RALGPS1: variants seen among roughly 807,000 people sequenced by gnomAD.
RALGPS1 encodes ras-specific guanine nucleotide-releasing factor RalGPS1.
In RALGPS1, 19 loss-of-function variants were observed where a neutral mutation model predicts 78.8. The ratio of observed to expected loss-of-function variants is 0.24; its 90% CI spans 0.17 to 0.35. RALGPS1 has a LOEUF of 0.35. Ranked by LOEUF, RALGPS1 falls within the 10% of genes least tolerant of loss-of-function variation. The pLI is 1.00. For missense variants in RALGPS1, 454 were observed against 688.3 expected, an observed-to-expected ratio of 0.66 and a Z score of 3.81; for synonymous variants, 228 against 256.3, an observed-to-expected ratio of 0.89 and a Z score of 1.06.
At chr9:127,019,641 T>G (rs1356927734) in intron 4 of RALGPS1, among the ~76,000 whole-genome samples, 3 of 152,154 alleles carry the variant, frequency 2.0e-5, no homozygotes, top group African/African-American at 7.2e-5. Context: ...TTCATTATTT[T>G]TTATTGCTTA....
chr9:127,203,310 A>T (rs1454294901), intron 14 of RALGPS1, among the ~76,000 whole-genome samples: 1 of 152,230 alleles, frequency 6.6e-6, no homozygotes, highest in Non-Finnish European at 1.5e-5. Flanking sequence ...CTACCCAGAA[A>T]AACAATTAAC....
At chr9:126,927,677 T>C (rs2035418464) in intron 1 of RALGPS1, among the ~76,000 whole-genome samples, 1 of 152,128 alleles carries the variant, frequency 6.6e-6, no homozygotes, top group African/African-American at 2.4e-5. Context: ...TCTCAAGCAA[T>C]TCCCTCATGC....
intron 3 of RALGPS1, among the ~76,000 whole-genome samples, chr9:126,977,086 A>T (rs995022019): frequency 6.6e-6 from 1 of 152,208 alleles, no homozygotes; most frequent in African/African-American, 2.4e-5. Context: ...AAAAATTGCT[A>T]TGCAAGTTCC....
intron 18 of RALGPS1, chr9:127,217,149 T>G (rs920459879): frequency 1.7e-5 from 22 of 1,277,046 alleles, no homozygotes; most frequent in Non-Finnish European, 2.1e-5. Flanking sequence ...AGAGCACTAA[T>G]GGGTCAGTTT....
rs5900735 is a variant in RALGPS1, at chr9:126,965,443, A to AT, written c.58-394dup. Among the ~76,000 whole-genome samples the AT allele has an allele frequency of 3.0e-3, 455 of 152,060 alleles. 3 individuals carry two copies. Among genetic ancestry groups the AT allele is most frequent in the African/African-American group, 0.01 (434 of 41,426 alleles). On this transcript the variant is annotated intron_variant, in intron 2 of 18. Transcript: ENST00000259351. ...CTCCCTCAAGGAAGATTGGGCTGTA[A>AT]TTTTTTTACCCCACCACTAAACCAC...
intron 4 of RALGPS1, among the ~76,000 whole-genome samples, chr9:127,017,851 A>G (rs1281165473): frequency 6.6e-6 from 1 of 152,056 alleles, no homozygotes; most frequent in Non-Finnish European, 1.5e-5. Context: ...ACTGTCTTCC[A>G]CCTCCACATC....
At chr9:127,111,339 G>A (rs867286351) in intron 8 of RALGPS1, among the ~76,000 whole-genome samples, 12 of 152,150 alleles carry the variant, frequency 7.9e-5, no homozygotes, top group African/African-American at 2.9e-4. Context: ...TAAGATACAC[G>A]CTGTCTCCTC....
At chr9:127,129,761 C>T (rs2056880680) in intron 8 of RALGPS1, among the ~76,000 whole-genome samples, 1 of 152,232 alleles carries the variant, frequency 6.6e-6, no homozygotes, top group South Asian at 2.1e-4. Context: ...GTGCAGGAGG[C>T]TTGCTTCAGT....
At chr9:127,031,442 G>A (rs2046425147) in intron 4 of RALGPS1, among the ~76,000 whole-genome samples, 1 of 152,210 alleles carries the variant, frequency 6.6e-6, no homozygotes, top group African/African-American at 2.4e-5. Context: ...AATTTGGGAG[G>A]TCTTCACACT....
intron 4 of RALGPS1, among the ~76,000 whole-genome samples, chr9:127,014,606 G>C (rs1266967046): frequency 1.3e-5 from 2 of 152,160 alleles, no homozygotes; most frequent in African/African-American, 2.4e-5. Context: ...TATGAGATTA[G>C]GAATGGAGAC....
At chr9:126,920,641 T>A (rs1035581561) in intron 1 of RALGPS1, among the ~76,000 whole-genome samples, 3 of 152,170 alleles carry the variant, frequency 2.0e-5, no homozygotes, top group African/African-American at 7.2e-5. Context: ...TTTCTGGGCC[T>A]CCTTTCGTGG....
At chr9:127,038,291 A>G (rs1428708082) in intron 5 of RALGPS1, among the ~76,000 whole-genome samples, 1 of 152,214 alleles carries the variant, frequency 6.6e-6, no homozygotes, top group Non-Finnish European at 1.5e-5. Flanking sequence ...TCACGTGCCT[A>G]ATGAGATAGA....
At chr9:126,967,452 A>G (rs1385739375) in intron 3 of RALGPS1, among the ~76,000 whole-genome samples, 1 of 152,186 alleles carries the variant, frequency 6.6e-6, no homozygotes, top group Non-Finnish European at 1.5e-5. Flanking sequence ...CACTGGGCTA[A>G]AGTAGCATCT....
chr9:126,993,932 C>G (rs753993645), intron 4 of RALGPS1, among the ~76,000 whole-genome samples: 1 of 152,174 alleles, frequency 6.6e-6, no homozygotes, highest in Non-Finnish European at 1.5e-5. Flanking sequence ...TGGAGTGGAC[C>G]TCTAGCAAAC....
chr9:127,216,785 G>A, intron 18 of RALGPS1: 2 of 904,644 alleles, frequency 2.2e-6, no homozygotes, highest in South Asian at 4.0e-5. Context: ...TGCATTAAGA[G>A]AGGAAGAGCA....
intron 1 of RALGPS1, among the ~76,000 whole-genome samples, chr9:126,943,834 A>C (rs527807810): frequency 2.0e-5 from 3 of 152,176 alleles, no homozygotes; most frequent in Non-Finnish European, 4.4e-5. Flanking sequence ...CATTATGAAA[A>C]TTAGGTCGTA....
chr9:127,088,882 G>A, intron 8 of RALGPS1: 1 of 1,599,192 alleles, frequency 6.3e-7, no homozygotes, highest in Non-Finnish European at 8.6e-7. Flanking sequence ...GCTGTGGCCA[G>A]CGTGACCAGG....
At chr9:127,136,683 A>G (rs182258510) in intron 8 of RALGPS1, among the ~76,000 whole-genome samples, 61 of 152,146 alleles carry the variant, frequency 4.0e-4, no homozygotes, top group Admixed American at 2.2e-3. Flanking sequence ...CACACTTGCA[A>G]GCTCTCCCCA....
At chr9:127,180,905 G>A (rs956689792) in intron 11 of RALGPS1, among the ~76,000 whole-genome samples, 5 of 152,246 alleles carry the variant, frequency 3.3e-5, no homozygotes, top group Admixed American at 3.3e-4. Context: ...AGCGGGGGGC[G>A]CAGAACACTT....
Sources: allele counts gnomAD v4.1 joint callset (sites outside exome capture counted in the v4.1 genomes callset), GRCh38; gene constraint gnomAD v4.1.1; transcripts MANE v1.5; gene names NCBI Gene and HGNC (gene_info 2026-07-23, HGNC 2026-07-21).